Variants in RASA3 observed in about 807,000 individuals in gnomAD.
RASA3 encodes RAS p21 protein activator 3.
In RASA3, 73 loss-of-function variants were observed where a neutral mutation model predicts 110.0. That is an observed-to-expected ratio of 0.66 (90% confidence interval 0.55 to 0.81). The LOEUF is 0.81. RASA3 is among the 30% of genes least tolerant of loss of function. The probability of loss-of-function intolerance (pLI) is 0.00; values close to 1 mark genes in which losing one functional copy is unlikely to be tolerated. For synonymous variants in RASA3, 500 were observed against 451.4 expected, an observed-to-expected ratio of 1.11 and a Z score of -1.37; for missense variants, 976 against 1,113.2, an observed-to-expected ratio of 0.88 and a Z score of 1.75.
intron 1 of RASA3, among the ~76,000 whole-genome samples, chr13:114,078,317 C>T (rs1206502973): frequency 6.8e-6 from 1 of 147,860 alleles, no homozygotes; most frequent in Non-Finnish European, 1.5e-5. Flanking sequence ...AGAGGAAACA[C>T]GTTTTCTCTT....
At position 114,016,219 on chromosome 13, in the gene RASA3, C is replaced by A; in HGVS notation, c.1259G>T (p.Gly420Val). 1 of 1,599,542 alleles carries A rather than the reference C, an allele frequency of 6.3e-7. No individual in the cohort carries two copies. The highest frequency in any genetic ancestry group is 1.1e-5 in the South Asian group (1 of 90,792). ...CEIDPVKLKD[G>V]ENLENNMENL... ...TACCATGTTGTTTTCAAGGTTTTCT[C>A]CGTCTTTCAACTTCACAGGGTCGAT... Residue 420 changes from glycine to valine, a missense_variant, in exon 13 of 24, where the codon GGA (glycine) becomes GTA (valine). Physicochemically the swap from Gly to Val is moderately radical, Grantham distance 109. Coordinates refer to ENST00000334062, the MANE Select transcript of RASA3 (RefSeq NM_007368.4).
intron 1 of RASA3, among the ~76,000 whole-genome samples, chr13:114,130,212 C>T (rs925843834): frequency 6.6e-6 from 1 of 152,202 alleles, no homozygotes; most frequent in Non-Finnish European, 1.5e-5. Context: ...GCCCTGTCTC[C>T]CCAGCTACTT....
chr13:114,018,229 G>A lies in RASA3; in HGVS notation c.966C>T (p.His322=), dbSNP rs766229238. The A allele has an allele frequency of 4.5e-6, 7 of 1,553,546 alleles. No individual in the cohort carries two copies. In the African/African-American group the frequency reaches 8.2e-5, roughly 18 times the overall value. The change falls in exon 11 of 24, where the codon CAC becomes CAT. Residue 322 remains histidine, a synonymous_variant. Coordinates refer to ENST00000334062, the MANE Select transcript of RASA3 (RefSeq NM_007368.4). ...DVEPVSASAA[H]ILGEVCREKQ... is the part of the protein sequence containing the mutation. ...TCTCCCGGCAAACCTCGCCCAGGAT[G>A]TGGGCCGCAGACGCTGACACGGGCT...
At chr13:114,117,113 C>T (rs1240269672) in intron 1 of RASA3, among the ~76,000 whole-genome samples, 1 of 120,536 alleles carries the variant, frequency 8.3e-6, no homozygotes, top group Non-Finnish European at 1.7e-5. Flanking sequence ...GAGGAGAGCA[C>T]GTGTGTGAGG....
chr13:114,022,311 C>T (rs2053943407), intron 8 of RASA3, among the ~76,000 whole-genome samples: 1 of 152,198 alleles, frequency 6.6e-6, no homozygotes, highest in Non-Finnish European at 1.5e-5. Context: ...GACAGACATA[C>T]AGCATCCCCG....
At chr13:114,059,856 A>C (rs2079307205) in intron 2 of RASA3, among the ~76,000 whole-genome samples, 1 of 152,224 alleles carries the variant, frequency 6.6e-6, no homozygotes, top group Admixed American at 6.5e-5. Context: ...CCCGTTCTAG[A>C]CTGTGGGAAT....
chr13:113,999,786 CCAGGGGG>C, intron 19 of RASA3, 119 bp from the exon 20 acceptor site: 3 of 266,470 alleles, frequency 1.1e-5, no homozygotes, highest in East Asian at 6.1e-5. Flanking sequence ...GGGGTCTCTG[CCAGGGGG>C]TCTCTACCGG....
intron 1 of RASA3, among the ~76,000 whole-genome samples, chr13:114,121,337 T>C (rs1259861319): frequency 6.6e-6 from 1 of 151,664 alleles, no homozygotes; most frequent in African/African-American, 2.4e-5. Flanking sequence ...CCATGTGGGG[T>C]AGAATAAAAA....
chr13:114,014,461 A>G lies in RASA3; in HGVS notation c.1405+748T>C, dbSNP rs145536278. On this transcript the variant is annotated intron_variant, in intron 14 of 23. Transcript: ENST00000334062. This position sits in a 1 kb window ranked among gnomAD's most constrained non-coding sequence, Gnocchi z 4.5. ...TGGACGGCTCTGCAGGACCATGGCCACCCCGGGGTGTCTGCAGCTGTCCCG... is the reference window on the plus strand; with the variant it reads ...TGGACGGCTCTGCAGGACCATGGCCGCCCCGGGGTGTCTGCAGCTGTCCCG... Among the ~76,000 whole-genome samples the G allele has an allele frequency of 6.0e-3, 914 of 152,136 alleles. 4 individuals are homozygous for G. The highest frequency in any genetic ancestry group is 0.021 in the African/African-American group (874 of 41,512).
chr13:114,039,418 C>T (rs1278692060), intron 4 of RASA3, among the ~76,000 whole-genome samples: 1 of 148,388 alleles, frequency 6.7e-6, no homozygotes, highest in African/African-American at 2.5e-5. Flanking sequence ...GGCGCTGTGC[C>T]ACAACCCTAC....
At chr13:114,058,437 G>A (rs1226871648) in intron 2 of RASA3, among the ~76,000 whole-genome samples, 2 of 152,238 alleles carry the variant, frequency 1.3e-5, no homozygotes, top group Non-Finnish European at 2.9e-5. Flanking sequence ...TCACCAGCCC[G>A]TGACTTGTGG....
In RASA3 at chr13:114,015,332, C is replaced by T. The variant is rs976192126; in HGVS notation, c.1282G>A (p.Glu428Lys). 14 of 1,612,768 alleles carry T rather than the reference C, an allele frequency of 8.7e-6. No homozygotes were observed. The highest frequency in any genetic ancestry group is 1.1e-5 in the Non-Finnish European group (13 of 1,179,908). ...CGGTCCACATACTGCCGTAGGTTCT[C>T]CTGCAACGGGACACGGCACTGGGAC... ...KDGENLENNM[E>K]NLRQYVDRVF... The change falls in exon 14 of 24, where the codon GAG becomes AAG. Residue 428 changes from glutamate to lysine, a missense_variant and splice_region_variant. By Grantham distance (56) the Glu-to-Lys change is moderately conservative (BLOSUM62 1). This residue lies in a region of RASA3 where 732 missense variants were observed against 779.7 expected (regional missense o/e 0.94). Transcript: ENST00000334062.
At chr13:114,128,762 G>C (rs955712930) in intron 1 of RASA3, among the ~76,000 whole-genome samples, 1 of 152,250 alleles carries the variant, frequency 6.6e-6, no homozygotes, top group African/African-American at 2.4e-5. Context: ...ACTGAGCCCA[G>C]AGGAGAAAGA....
In RASA3 at chr13:113,991,935, C is replaced by T. The variant is rs576434077; in HGVS notation, c.2245+550G>A. On this transcript the variant is annotated intron_variant, in intron 22 of 23. Coordinates refer to ENST00000334062, the MANE Select transcript of RASA3 (RefSeq NM_007368.4). The stretch of plus-strand genomic sequence containing the variant: ...ACATTCACTCTCATACATGTCATGT[C>T]CATACATTCACACACACTCACACAC... Among the ~76,000 whole-genome samples the T allele has an allele frequency of 4.4e-3, 674 of 151,894 alleles. 4 individuals carry two copies. Among genetic ancestry groups the T allele is most frequent in the Admixed American group, 8.6e-3 (132 of 15,278 alleles).
intron 4 of RASA3, among the ~76,000 whole-genome samples, chr13:114,036,532 T>TTTC (rs371883529): frequency 2.2e-4 from 34 of 152,204 alleles, no homozygotes; most frequent in Non-Finnish European, 3.7e-4. Context: ...TGGGGTTTTT[T>TTTC]TTCTTCTTCT....
intron 8 of RASA3, among the ~76,000 whole-genome samples, chr13:114,022,316 T>TC (rs1261051850): frequency 6.6e-6 from 1 of 152,096 alleles, no homozygotes; most frequent in African/African-American, 2.4e-5. Flanking sequence ...ACATACAGCA[T>TC]CCCCGGCTGC....
chr13:114,070,785 G>A (rs1360542965), intron 2 of RASA3, among the ~76,000 whole-genome samples: 1 of 129,900 alleles, frequency 7.7e-6, no homozygotes, highest in African/African-American at 2.9e-5. Flanking sequence ...AGGGCTGCCG[G>A]CGTCCACGCT....
rs201312270 is a variant in RASA3 at position 114,061,695 on chromosome 13, AAAAG to A, written c.174-9544_174-9541del. 5.8e-3 allele frequency among the ~76,000 whole-genome samples: 874 copies of A among 151,980 alleles called. 1 individual carries two copies. Among genetic ancestry groups the A allele is most frequent in the African/African-American group, 0.017 (693 of 41,404 alleles). ...CTGTCTCAAAAAAAAAAAAAAAAGA[AAAAG>A]AAAGAAAGAAATACGAGCTTTGAAA... On this transcript the variant is annotated intron_variant, in intron 2 of 23. Transcript: ENST00000334062.
chr13:114,100,116 A>T (rs1004796785), intron 1 of RASA3, among the ~76,000 whole-genome samples: 1 of 150,766 alleles, frequency 6.6e-6, no homozygotes, highest in African/African-American at 2.4e-5. Flanking sequence ...CCACACCTGA[A>T]CACAGCAAGG....
Sources: allele counts gnomAD v4.1 joint callset (sites outside exome capture counted in the v4.1 genomes callset), GRCh38; gene constraint gnomAD v4.1.1; regional missense constraint gnomAD v4.1.1; non-coding constraint Gnocchi (gnomAD v3.1); transcripts MANE v1.5; gene names NCBI Gene and HGNC (gene_info 2026-07-23, HGNC 2026-07-21).